The following ZNF397 variants were observed in gnomAD, a reference collection of about 807,000 sequenced individuals.
The protein encoded by ZNF397 is zinc finger and SCAN domain-containing protein 15.
In ZNF397, 38 loss-of-function variants were observed where a neutral mutation model predicts 50.6. The ratio of observed to expected loss-of-function variants is 0.75; its 90% CI spans 0.58 to 0.98. The LOEUF (loss-of-function observed/expected upper bound fraction) is 0.98. ZNF397 is among the 50% of genes least tolerant of loss of function. The pLI is 0.00. For synonymous variants in ZNF397, 228 were observed against 215.2 expected (o/e 1.06, Z -0.52); for missense variants, 624 against 624.1 (o/e 1.00, Z 0.00).
rs1445290752 is a variant in ZNF397 at position 35,246,720 on chromosome 18, A to G, written c.*410A>G. On this transcript the variant is annotated 3_prime_UTR_variant, in exon 4 of 4. Coordinates refer to ENST00000330501, the MANE Select transcript of ZNF397 (RefSeq NM_001135178.3). ...CGTCTCAGGAACTAAAAAAAAAAAA[A>G]AAACTGACCCAATAAAGAACAGTGA... The G allele has an allele frequency of 1.0e-6, 1 of 991,556 alleles. No individual in the cohort carries two copies. Among genetic ancestry groups the G allele is most frequent in the Non-Finnish European group, 1.2e-6 (1 of 834,218 alleles). The allele number at this position is 991,556 out of a possible 1,614,324, so 61.4% of individuals were successfully genotyped here. A position where few individuals can be genotyped will look rare whatever the true frequency, so the allele number is the denominator to read the frequency against.
At chr18:35,257,715 T>C (rs1162030680) in intron 5 of ZNF397, among the ~76,000 whole-genome samples, 1 of 152,156 alleles carries the variant, frequency 6.6e-6, no homozygotes, top group Non-Finnish European at 1.5e-5. Flanking sequence ...CTGTGGAGAA[T>C]TACCCAGGCT....
chr18:35,254,720 A>T (rs1748221353), downstream of ZNF397: 1 of 357,108 alleles, frequency 2.8e-6, no homozygotes, highest in Non-Finnish European at 5.3e-6. Context: ...TTTTTAGGTA[A>T]TGAGATAATC....
At chr18:35,256,948 A>AT (rs543304979) in intron 5 of ZNF397, 1 of 152,952 alleles carries the variant, frequency 6.5e-6, no homozygotes. Flanking sequence ...TAATTAAAAA[A>AT]TTTTTTTTGT....
Position 35,242,535 on chromosome 18 carries a change from T to C in ZNF397, c.65T>C (p.Ile22Thr), listed in dbSNP as rs185965319. The C allele has an allele frequency of 1.2e-6, 2 of 1,614,232 alleles. No individual in the cohort carries two copies. Among genetic ancestry groups the C allele is most frequent in the East Asian group, 2.2e-5 (1 of 44,886 alleles). Residue 22 changes from isoleucine (I) to threonine (T), a missense_variant, in exon 2 of 4, where the codon ATA becomes ACA. By Grantham distance (89) the Ile-to-Thr change is moderately conservative. Transcript: ENST00000330501. The part of the protein sequence containing the change: ...IPQDPPEQEL[I>T]LVKVEDNFSW... ...CAGGATCCTCCGGAACAAGAACTAATACTAGTGAAAGTAGAAGATAACTTT... is the reference window on the plus strand; with the variant it reads ...CAGGATCCTCCGGAACAAGAACTAACACTAGTGAAAGTAGAAGATAACTTT...
At chr18:35,254,753 T>C (rs2043736162), downstream of ZNF397, 1 of 321,032 alleles carries the variant, frequency 3.1e-6, no homozygotes, top group South Asian at 2.9e-5. Context: ...TTAAAAGGAA[T>C]GATCAGGATA....
At chr18:35,258,844 T>G (rs1598617242), downstream of ZNF397, 1 of 109,232 alleles carries the variant, frequency 9.2e-6, no homozygotes, top group Non-Finnish European at 1.7e-5. Context: ...CACTCTAGCT[T>G]GGGCGACAGA....
chr18:35,250,086 C>G (rs1438080419), downstream of ZNF397, among the ~76,000 whole-genome samples: 1 of 152,200 alleles, frequency 6.6e-6, no homozygotes, highest in African/African-American at 2.4e-5. Context: ...ATAACCATCT[C>G]ACACCTAGTA....
chr18:35,253,610 T>C (rs780144550), downstream of ZNF397: 4 of 1,614,134 alleles, frequency 2.5e-6, no homozygotes, highest in Non-Finnish European at 3.4e-6. Context: ...TTCATTACAT[T>C]CATAAGGTTT....
intron 1 of ZNF397, among the ~76,000 whole-genome samples, chr18:35,242,089 A>G (rs1378707663): frequency 6.6e-6 from 1 of 152,242 alleles, no homozygotes; most frequent in Non-Finnish European, 1.5e-5. Context: ...TCTCCTTGAT[A>G]CAATCAGAAT....
chr18:35,243,519 CTTTATA>C, intron 3 of ZNF397: 1 of 657,494 alleles, frequency 1.5e-6, no homozygotes, highest in East Asian at 2.7e-5. Flanking sequence ...TATGTTGTAA[CTTTATA>C]AAGCGTCAAT....
chr18:35,254,716 G>A, downstream of ZNF397: 1 of 359,968 alleles, frequency 2.8e-6, no homozygotes, highest in South Asian at 2.8e-5. Flanking sequence ...TACGTTTTTA[G>A]GTAATGAGAT....
chr18:35,252,553 C>A (rs1321513082), downstream of ZNF397: 1 of 152,178 alleles, frequency 6.6e-6, no homozygotes, highest in African/African-American at 2.4e-5. Flanking sequence ...AGAGAAGAGT[C>A]TTCATGGAGT....
In ZNF397 at chr18:35,245,922, T is replaced by C. The variant is rs1297287310; in HGVS notation, c.1217T>C (p.Phe406Ser). Residue 406 changes from phenylalanine to serine, a missense_variant, in exon 4 of 4, where the codon TTT becomes TCT. Physicochemically the swap from Phe to Ser is radical, Grantham distance 155. Coordinates refer to ENST00000330501, the MANE Select transcript of ZNF397 (RefSeq NM_001135178.3). ...GAGTGTAATGAATGTGGGAAAACCT[T>C]TAGCCAGAGCTCAAAACTCATTAGA... Reference protein sequence around the residue: ...PYECNECGKTFSQSSKLIRHQ... With the variant: ...PYECNECGKTSSQSSKLIRHQ... The C allele has an allele frequency of 3.8e-6, 6 of 1,572,788 alleles. No homozygotes were observed. Among genetic ancestry groups the C allele is most frequent in the Non-Finnish European group, 5.2e-6 (6 of 1,158,968 alleles).
In ZNF397 at chr18:35,246,277, T is replaced by TA; in HGVS notation, c.1573dup (p.Met525AsnfsTer18). On this transcript the variant is annotated frameshift_variant, in exon 4 of 4. Coordinates refer to ENST00000330501, the MANE Select transcript of ZNF397 (RefSeq NM_001135178.3). LOFTEE classifies it high-confidence loss of function. ...AGGCTTTCAGGCACAGATCGGTCCT[T>TA]ATGCGCCATCAAAGAGTCCACACTA... 1 of 1,550,886 alleles carries TA rather than the reference T, an allele frequency of 6.4e-7. No homozygotes were observed. The highest frequency in any genetic ancestry group is 8.7e-7 in the Non-Finnish European group (1 of 1,146,656).
At chr18:35,258,039 T>C in exon 6 of ZNF397, 2 of 779,128 alleles carry the variant, frequency 2.6e-6, no homozygotes, top group Non-Finnish European at 4.8e-6. Context: ...ACAAGAAACT[T>C]ATAACTCAAG....
downstream of ZNF397, chr18:35,253,515 A>G (rs201191822): frequency 1.3e-4 from 203 of 1,612,066 alleles, no homozygotes; most frequent in Non-Finnish European, 1.6e-4. Flanking sequence ...GTTTTTCTAC[A>G]TTCACTACAT....
At chr18:35,258,305 T>TA (rs1298564283) in exon 6 of ZNF397, 1 of 292,516 alleles carries the variant, frequency 3.4e-6, no homozygotes, top group Non-Finnish European at 6.4e-6. Flanking sequence ...ATTGGAGAGA[T>TA]AGAGTCACTA....
intron 5 of ZNF397, among the ~76,000 whole-genome samples, chr18:35,256,508 C>T (rs572930485): frequency 6.6e-6 from 1 of 151,558 alleles, no homozygotes; most frequent in African/African-American, 2.4e-5. Flanking sequence ...TTGCAGTGAA[C>T]CAAGATCACA....
chr18:35,242,411 C>T lies in ZNF397; in HGVS notation c.-60C>T. The T allele has an allele frequency of 6.6e-7, 1 of 1,506,822 alleles. No individual in the cohort carries two copies. Among genetic ancestry groups the T allele is most frequent in the Non-Finnish European group, 9.0e-7 (1 of 1,115,784 alleles). The allele number at this position is 1,506,822 out of a possible 1,614,324, so 93.3% of individuals were successfully genotyped here. ...TTCAGGAAAGAAGAGATTACTCACA[C>T]TCCTTCGCAAGCACAGAACCAGTTG... is the stretch of plus-strand genomic sequence containing the variant. On this transcript the variant is annotated 5_prime_UTR_variant, in exon 2 of 4. Transcript: ENST00000330501.
Sources: gnomAD v4.1 joint callset for allele counts (sites outside exome capture counted in the v4.1 genomes callset) on GRCh38, gnomAD v4.1.1 for gene constraint, MANE v1.5 for transcripts, NCBI Gene and HGNC (gene_info 2026-07-23, HGNC 2026-07-21) for gene names.